The following DNAH7 variants were observed in gnomAD, a reference collection of about 807,000 sequenced individuals.
The protein encoded by DNAH7 is dynein axonemal heavy chain 7.
A neutral mutation model predicts 444.6 loss-of-function variants in DNAH7; 397 were observed. That is an observed-to-expected ratio of 0.89 (90% CI 0.82 to 0.97). DNAH7 has a LOEUF of 0.97. DNAH7 is among the 50% of genes least tolerant of loss of function. The probability of loss-of-function intolerance (pLI) is 0.00; values close to 1 mark genes in which losing one functional copy is unlikely to be tolerated. For synonymous variants in DNAH7, 1,636 were observed against 1,624.4 expected (o/e 1.01, Z -0.17); for missense variants, 4,902 against 4,800.8 (o/e 1.02, Z -0.62).
intron 10 of DNAH7, among the ~76,000 whole-genome samples, chr2:196,006,123 G>A (rs1474555837): frequency 6.6e-6 from 1 of 152,120 alleles, no homozygotes; most frequent in East Asian, 1.9e-4. Flanking sequence ...AGACCAGCCT[G>A]GGCAACACAG....
intron 18 of DNAH7, 40 bp downstream of exon 18, chr2:195,960,220 G>A (rs914162033): frequency 1.3e-6 from 2 of 1,487,488 alleles, no homozygotes; most frequent in Admixed American, 2.1e-5. Context: ...AGTGATTTTG[G>A]TAACATAGCA....
Position 195,801,761 on chromosome 2 carries a change from G to T in DNAH7, c.10177-2289C>A, listed in dbSNP as rs969341795. ...ACATTTATTTATACAAGATCTGTAA[G>T]TAAAAATAATTGACATGTCACAATG... On this transcript the variant is annotated intron_variant, in intron 54 of 64. Transcript: ENST00000312428. Among the ~76,000 whole-genome samples, 3 of 152,318 alleles carry T rather than the reference G, an allele frequency of 2.0e-5. No individual in the cohort carries two copies. In the East Asian group the frequency reaches 5.8e-4, roughly 29 times the overall value.
At chr2:195,754,656 A>ATGGTGGTATGTGCCTGTATT in intron 62 of DNAH7, 142 bp from the exon 63 acceptor site, 1 of 742,498 alleles carries the variant, frequency 1.3e-6, no homozygotes, top group Non-Finnish European at 2.1e-6. Context: ...GAATACAGGC[A>ATGGTGGTATGTGCCTGTATT]CATACCACCA....
Position 195,949,530 on chromosome 2 carries a change from T to C in DNAH7, c.3078+7731A>G, listed in dbSNP as rs563665346. ...AACTCCTGACCACAGGTGATCCACCTGCTTCAGCCTCCCAAAGCGCTGGGA... is the reference window on the plus strand; with the variant it reads ...AACTCCTGACCACAGGTGATCCACCCGCTTCAGCCTCCCAAAGCGCTGGGA... On this transcript the variant is annotated intron_variant, in intron 19 of 64. Coordinates refer to ENST00000312428, the MANE Select transcript of DNAH7 (RefSeq NM_018897.3). 2.3e-3 allele frequency among the ~76,000 whole-genome samples: 351 copies of C among 152,084 alleles called. 2 individuals carry two copies. Among genetic ancestry groups the C allele is most frequent in the African/African-American group, 7.9e-3 (327 of 41,372 alleles).
chr2:195,971,152 T>C (rs538654247), intron 16 of DNAH7, among the ~76,000 whole-genome samples: 68 of 152,348 alleles, frequency 4.5e-4, no homozygotes, highest in Middle Eastern at 3.4e-3. Context: ...AAACAACATA[T>C]TTTGCCAATT....
rs776869596 is a variant in DNAH7, at chr2:195,960,601, G to A, written c.2550C>T (p.Arg850=). 1 of 1,614,218 alleles carries A rather than the reference G, an allele frequency of 6.2e-7. No homozygotes were observed. Among genetic ancestry groups the A allele is most frequent in the South Asian group, 1.1e-5 (1 of 91,086 alleles). The part of the protein sequence containing the change: ...LIQVICNPGL[R]PRHWEAMSAI... ...CAGACATGGCCTCCCAGTGCCTGGG[G>A]CGCAAACCAGGATTACAGATCACTT... The change falls in exon 18 of 65, where the codon CGC becomes CGT. Residue 850 remains arginine, a synonymous_variant. Coordinates refer to ENST00000312428, the MANE Select transcript of DNAH7 (RefSeq NM_018897.3).
intron 10 of DNAH7, 148 bp downstream of exon 10, chr2:196,012,639 G>A (rs1694788358): frequency 4.8e-6 from 4 of 826,408 alleles, no homozygotes; most frequent in Non-Finnish European, 7.1e-6. Flanking sequence ...AAATATTACA[G>A]ACTAAGATAA....
In DNAH7 at chr2:195,855,806, C is replaced by G; in HGVS notation, c.8595+5G>C. 6.2e-7 allele frequency: 1 copy of G among 1,612,340 alleles called. No individual in the cohort carries two copies. The highest frequency in any genetic ancestry group is 2.2e-5 in the East Asian group (1 of 44,854). On this transcript the variant is annotated splice_donor_5th_base_variant and intron_variant, in intron 45 of 64. Transcript: ENST00000312428. ...TTGTCCATCTTTTTCTATATCAGCA[C>G]ACACCTGGTTTTCCAGGTCAGCCTT...
chr2:195,862,036 G>A lies in DNAH7; in HGVS notation c.7507-90C>T, dbSNP rs1222591183. The A allele has an allele frequency of 4.2e-6, 4 of 958,494 alleles. No homozygotes were observed. In the African/African-American group the frequency reaches 6.6e-5, roughly 16 times the overall value. 59.4% of individuals were successfully genotyped at this position (958,494 alleles called of 1,614,324 possible). On this transcript the variant is annotated intron_variant, in intron 41 of 64. Coordinates refer to ENST00000312428, the MANE Select transcript of DNAH7 (RefSeq NM_018897.3). Reference sequence around the variant, plus strand: ...AGCCCTTTACAACTTATGGATGTTGGGGGTGAAGGGGAATAGTGTGAGGGA... The same window carrying A: ...AGCCCTTTACAACTTATGGATGTTGAGGGTGAAGGGGAATAGTGTGAGGGA...
chr2:195,891,846 G>A (rs1702032549), intron 30 of DNAH7, 42 bp from the exon 31 acceptor site: 4 of 1,427,704 alleles, frequency 2.8e-6, no homozygotes, highest in Non-Finnish European at 3.8e-6. Flanking sequence ...AAAGAATACT[G>A]TCTTTATTCA....
In DNAH7 at chr2:196,052,077, T is replaced by C. The variant is rs571099157; in HGVS notation, c.79-828A>G. 2.3e-4 allele frequency among the ~76,000 whole-genome samples: 35 copies of C among 152,352 alleles called. No individual in the cohort carries two copies. The South Asian group carries it at 7.2e-3, about 32-fold the overall frequency. ...GACAGCAACTTTCCACAAGTCTCAC[T>C]TATACCACAGACAGAGACTTCCTTT... is the stretch of plus-strand genomic sequence containing the variant. On this transcript the variant is annotated intron_variant, in intron 2 of 64. Transcript: ENST00000312428.
intron 24 of DNAH7, among the ~76,000 whole-genome samples, chr2:195,913,635 C>T (rs1687490684): frequency 6.6e-6 from 1 of 152,242 alleles, no homozygotes; most frequent in African/African-American, 2.4e-5. Flanking sequence ...TCTTCATTTT[C>T]ATTTGGCTAA....
At chr2:195,803,366 T>C (rs2124826586) in intron 54 of DNAH7, among the ~76,000 whole-genome samples, 1 of 152,368 alleles carries the variant, frequency 6.6e-6, no homozygotes, top group East Asian at 1.9e-4. Flanking sequence ...TCTTTCTGTC[T>C]GCTAGCACTG....
chr2:195,761,456 G>C (rs34195211), intron 61 of DNAH7, among the ~76,000 whole-genome samples: 2,831 of 152,212 alleles, frequency 0.019, 51 homozygotes, highest in Non-Finnish European at 0.026. Flanking sequence ...CCTAAACCTA[G>C]AGAATGATAT....
chr2:195,817,100 TG>T lies in DNAH7; in HGVS notation c.9426-138del. ...TTGTGACAAATATCTGTAATGGTGA[TG>T]CCTTATAATTAATTTCTTATCTCGT... On this transcript the variant is annotated intron_variant, in intron 50 of 64. Coordinates refer to ENST00000312428, the MANE Select transcript of DNAH7 (RefSeq NM_018897.3). 3 of 640,118 alleles carry T rather than the reference TG, an allele frequency of 4.7e-6. No homozygotes were observed. In the South Asian group the frequency reaches 7.1e-5, roughly 15 times the overall value. 39.7% of individuals were successfully genotyped at this position (640,118 alleles called of 1,614,324 possible).
Position 195,864,169 on chromosome 2 carries a change from A to T in DNAH7, c.7486T>A (p.Cys2496Ser), listed in dbSNP as rs373033038. ...AATACCTGAAACCAGTCAATGGTAC[A>T]GCAGTTAACAAGAGCAGGGAACTTT... ...LRKFPALVNC[C>S]TIDWFQSWPE... Residue 2496 changes from cysteine to serine, a missense_variant, in exon 41 of 65, where the codon TGT (cysteine) becomes AGT (serine). Physicochemically the swap from Cys to Ser is moderately radical, Grantham distance 112. Coordinates refer to ENST00000312428, the MANE Select transcript of DNAH7 (RefSeq NM_018897.3). The T allele has an allele frequency of 5.6e-6, 9 of 1,613,974 alleles. No homozygotes were observed. The highest frequency in any genetic ancestry group is 1.3e-5 in the African/African-American group (1 of 74,912).
chr2:195,952,602 A>G (rs1465286010), intron 19 of DNAH7, among the ~76,000 whole-genome samples: 5 of 152,060 alleles, frequency 3.3e-5, no homozygotes, highest in Non-Finnish European at 7.4e-5. Context: ...ACATAGTCCC[A>G]TATTTCTTGA....
chr2:195,827,289 T>A (rs938579789), intron 48 of DNAH7, among the ~76,000 whole-genome samples: 22 of 152,156 alleles, frequency 1.4e-4, no homozygotes, highest in East Asian at 9.6e-4. Context: ...TTAATTAATT[T>A]ATTTGAGATG....
chr2:195,859,882 C>A (rs949633556), intron 42 of DNAH7, among the ~76,000 whole-genome samples: 1 of 152,168 alleles, frequency 6.6e-6, no homozygotes, highest in Admixed American at 6.5e-5. Context: ...CCAAGTGACG[C>A]TTTGCTAGCT....
Sources: allele counts gnomAD v4.1 joint callset (sites outside exome capture counted in the v4.1 genomes callset), GRCh38; gene constraint gnomAD v4.1.1; transcripts MANE v1.5; gene names NCBI Gene and HGNC (gene_info 2026-07-23, HGNC 2026-07-21).